ASIC2: variants seen among roughly 807,000 people sequenced by gnomAD.
ASIC2 encodes the protein acid sensing ion channel subunit 2, also known as acid-sensing ion channel 2.
In ASIC2, 25 loss-of-function variants were observed where a neutral mutation model predicts 57.3. The ratio of observed to expected loss-of-function variants is 0.44; its 90% confidence interval spans 0.32 to 0.61. ASIC2 has a LOEUF of 0.61. ASIC2 is among the 20% of genes least tolerant of loss of function. The probability of loss-of-function intolerance (pLI) is 0.06; values close to 1 mark genes in which losing one functional copy is unlikely to be tolerated. For missense variants in ASIC2, 641 were observed against 738.1 expected (o/e 0.87, Z 1.52); for synonymous variants, 319 against 307.5 (o/e 1.04, Z -0.39).
chr17:33,189,314 G>C (rs957660882), intron 1 of ASIC2, among the ~76,000 whole-genome samples: 1 of 151,966 alleles, frequency 6.6e-6, no homozygotes, highest in East Asian at 1.9e-4. Flanking sequence ...AACAGAAAGC[G>C]AAGAGATGGG....
chr17:33,757,244 T>A (rs1910632229), intron 1 of ASIC2, among the ~76,000 whole-genome samples: 2 of 152,180 alleles, frequency 1.3e-5, no homozygotes, highest in African/African-American at 4.8e-5. Flanking sequence ...ACTGTCCCTA[T>A]TCTAACAAGG....
intron 1 of ASIC2, among the ~76,000 whole-genome samples, chr17:33,528,182 G>GTGTGTGTGTGTGTGTC (rs1384667078): frequency 1.3e-5 from 2 of 151,892 alleles, no homozygotes; most frequent in African/African-American, 4.8e-5. Context: ...GTGTGTGTGT[G>GTGTGTGTGTGTGTGTC]TGTGGTTTCC....
At position 33,642,217 on chromosome 17, in the gene ASIC2, C is replaced by A. The variant is rs954609687; in HGVS notation, c.555+513761G>T. Among the ~76,000 whole-genome samples the A allele has an allele frequency of 6.0e-5, 9 of 150,450 alleles. No homozygotes were observed. The South Asian group carries it at 1.1e-3, about 18-fold the overall frequency. On this transcript the variant is annotated intron_variant, in intron 1 of 9. Coordinates refer to the ASIC2 transcript ENST00000359872. ...GGGGAGCAAAAGGACACCCCCCCCC[C>A]CCCCACACACAATGGTTATGGCTGC...
chr17:33,223,149 T>C (rs1217354515), intron 1 of ASIC2, among the ~76,000 whole-genome samples: 1 of 152,116 alleles, frequency 6.6e-6, no homozygotes, highest in Non-Finnish European at 1.5e-5. Context: ...AACCATCTCC[T>C]TCCCCCTTTT....
chr17:34,119,385 G>A (rs1418789598), intron 1 of ASIC2, among the ~76,000 whole-genome samples: 1 of 152,118 alleles, frequency 6.6e-6, no homozygotes, highest in Non-Finnish European at 1.5e-5. Flanking sequence ...ACACTGCTTT[G>A]TTAGCCTAAT....
chr17:34,132,016 C>T (rs1911987778), intron 1 of ASIC2, among the ~76,000 whole-genome samples: 1 of 152,140 alleles, frequency 6.6e-6, no homozygotes, highest in Admixed American at 6.5e-5. Context: ...TTTGAGACAC[C>T]ATCTCTTATG....
At chr17:33,170,803 T>C (rs1417860958) in intron 1 of ASIC2, among the ~76,000 whole-genome samples, 2 of 152,208 alleles carry the variant, frequency 1.3e-5, no homozygotes, top group African/African-American at 4.8e-5. Flanking sequence ...CATTCTACAA[T>C]ATTCCCATCA....
intron 1 of ASIC2, among the ~76,000 whole-genome samples, chr17:33,824,595 T>C (rs7503515): frequency 0.061 from 9,228 of 152,260 alleles, 425 homozygotes; most frequent in East Asian, 0.23. Flanking sequence ...GTGTCTGTAG[T>C]TCCCCATTGG....
In ASIC2 at chr17:33,719,546, C is replaced by T. The variant is rs943728944; in HGVS notation, c.555+436432G>A. Reference sequence around the variant, plus strand: ...TTGTTGGAATAAGATGTTTTGCTGCCATCTGCTAGAAACATTGTCATAATA... The same window carrying T: ...TTGTTGGAATAAGATGTTTTGCTGCTATCTGCTAGAAACATTGTCATAATA... On this transcript the variant is annotated intron_variant, in intron 1 of 9. Transcript: ENST00000359872. Among the ~76,000 whole-genome samples, 5 of 152,182 alleles carry T rather than the reference C, an allele frequency of 3.3e-5. No homozygotes were observed. The East Asian group carries it at 9.6e-4, about 29-fold the overall frequency.
intron 1 of ASIC2, among the ~76,000 whole-genome samples, chr17:33,815,212 C>A (rs2141888800): frequency 6.6e-6 from 1 of 152,306 alleles, no homozygotes; most frequent in African/African-American, 2.4e-5. Context: ...AGAGGCCCTG[C>A]CACCTCACAT....
At chr17:33,188,405 A>T (rs1023366481) in intron 1 of ASIC2, among the ~76,000 whole-genome samples, 3 of 152,172 alleles carry the variant, frequency 2.0e-5, no homozygotes, top group Admixed American at 6.6e-5. Context: ...TGAAGAAATA[A>T]TAGCCAGCAT....
intron 1 of ASIC2, among the ~76,000 whole-genome samples, chr17:33,145,139 G>C (rs1370967208): frequency 6.6e-6 from 1 of 152,130 alleles, no homozygotes; most frequent in Non-Finnish European, 1.5e-5. Context: ...TTTGATGGTG[G>C]GGCCAGGACT....
intron 1 of ASIC2, among the ~76,000 whole-genome samples, chr17:33,715,949 C>T (rs376010504): frequency 3.2e-4 from 49 of 152,194 alleles, no homozygotes; most frequent in African/African-American, 1.1e-3. Flanking sequence ...CTAATCACAC[C>T]GCCAACAGCT....
chr17:34,000,361 C>G (rs1231087946), intron 1 of ASIC2, among the ~76,000 whole-genome samples: 2 of 150,022 alleles, frequency 1.3e-5, no homozygotes, highest in Non-Finnish European at 2.9e-5. Flanking sequence ...AAGCAATTCT[C>G]TTGCCTCAGC....
At chr17:33,586,560 G>A (rs543707296) in intron 1 of ASIC2, among the ~76,000 whole-genome samples, 126 of 152,192 alleles carry the variant, frequency 8.3e-4, no homozygotes, top group Non-Finnish European at 1.4e-3. Flanking sequence ...ACATATTCTT[G>A]TCTCCCTTGT....
intron 1 of ASIC2, among the ~76,000 whole-genome samples, chr17:33,868,519 A>G (rs1283410438): frequency 6.6e-6 from 1 of 152,130 alleles, no homozygotes; most frequent in East Asian, 1.9e-4. Context: ...AAATATAGGC[A>G]TAAATCTCTG....
At chr17:33,553,977 T>C (rs1018860568) in intron 1 of ASIC2, among the ~76,000 whole-genome samples, 3 of 152,152 alleles carry the variant, frequency 2.0e-5, no homozygotes, top group Non-Finnish European at 4.4e-5. Context: ...GCAGTTGAGT[T>C]CTCTTCCTAG....
intron 1 of ASIC2, among the ~76,000 whole-genome samples, chr17:33,381,999 A>G (rs1312604756): frequency 2.6e-5 from 4 of 152,288 alleles, no homozygotes; most frequent in East Asian, 3.9e-4. Context: ...TGGGTGTTCA[A>G]TGCCCCTCAG....
In ASIC2 at chr17:34,034,223, A is replaced by C. The variant is rs1234727054; in HGVS notation, c.555+121755T>G. Among the ~76,000 whole-genome samples, 14 of 152,234 alleles carry C rather than the reference A, an allele frequency of 9.2e-5. No homozygotes were observed. In the East Asian group the frequency reaches 2.7e-3, roughly 29 times the overall value. ...TGGTTCAACATATGCAAATCAATAA[A>C]TGTAATCCAGCATATAAACAGAACC... On this transcript the variant is annotated intron_variant, in intron 1 of 9. Transcript: ENST00000359872.
Sources: gnomAD v4.1 joint callset for allele counts (sites outside exome capture counted in the v4.1 genomes callset) on GRCh38, gnomAD v4.1.1 for gene constraint, MANE v1.5 for transcripts, NCBI Gene and HGNC (gene_info 2026-07-23, HGNC 2026-07-21) for gene names.